The following DYM variants were observed in gnomAD, a reference collection of about 807,000 sequenced individuals.
DYM encodes dyggve-Melchior-Clausen syndrome protein.
Under a neutral mutation model 93.1 loss-of-function variants are expected in DYM, and 78 were observed. The observed-to-expected ratio is 0.84, with a 90% confidence interval of 0.70 to 1.01. The LOEUF is 1.01. Among genes scored for constraint, DYM ranks in the 50% least tolerant of loss-of-function variants. DYM has a pLI of 0.00. For synonymous variants in DYM, 321 were observed against 319.7 expected (o/e 1.00, Z -0.04); for missense variants, 789 against 845.0 (o/e 0.93, Z 0.82).
At chr18:49,386,934 GTATT>G (rs1007197582) in intron 3 of DYM, among the ~76,000 whole-genome samples, 2 of 149,094 alleles carry the variant, frequency 1.3e-5, no homozygotes, top group Non-Finnish European at 3.0e-5. Context: ...AAATTTCTTC[GTATT>G]TATTTACTTT....
chr18:49,268,927 A>G (rs918148808), intron 11 of DYM, among the ~76,000 whole-genome samples: 1 of 152,152 alleles, frequency 6.6e-6, no homozygotes, highest in African/African-American at 2.4e-5. Flanking sequence ...CAAAAGGTCA[A>G]GCTACAAAAG....
chr18:49,216,550 A>G (rs1015461575), intron 13 of DYM, among the ~76,000 whole-genome samples: 3 of 152,178 alleles, frequency 2.0e-5, no homozygotes, highest in African/African-American at 7.2e-5. Context: ...CTCCTTTCAG[A>G]CAAAACTTCC....
At chr18:49,050,252 A>T (rs2072238135) in intron 17 of DYM, among the ~76,000 whole-genome samples, 1 of 150,368 alleles carries the variant, frequency 6.7e-6, no homozygotes, top group East Asian at 2.0e-4. Context: ...ATGCCCGGCT[A>T]GTTTTTTTTT....
At chr18:49,324,127 A>T (rs2062710967) in intron 8 of DYM, among the ~76,000 whole-genome samples, 1 of 107,446 alleles carries the variant, frequency 9.3e-6, no homozygotes, top group Non-Finnish European at 1.8e-5. Flanking sequence ...AGAGCCAGAT[A>T]GGCTCTGTCT....
intron 14 of DYM, among the ~76,000 whole-genome samples, chr18:49,186,920 C>CG (rs1465847800): frequency 8.5e-6 from 1 of 117,810 alleles, no homozygotes; most frequent in African/African-American, 3.5e-5. Flanking sequence ...ACACAATCTT[C>CG]TTTTTTTTTT....
At chr18:49,150,529 C>T (rs543636827) in intron 15 of DYM, among the ~76,000 whole-genome samples, 1 of 152,308 alleles carries the variant, frequency 6.6e-6, no homozygotes, top group African/African-American at 2.4e-5. Context: ...AGGGGCCTCA[C>T]CAGAACCCAA....
chr18:49,333,585 A>G (rs1429274500), intron 7 of DYM, 143 bp downstream of exon 7: 14 of 868,270 alleles, frequency 1.6e-5, no homozygotes, highest in South Asian at 1.2e-4. Flanking sequence ...GCGGTTCCCT[A>G]TGCACTGGGT....
intron 10 of DYM, among the ~76,000 whole-genome samples, chr18:49,274,944 C>A (rs1367089280): frequency 2.0e-5 from 3 of 152,032 alleles, no homozygotes; most frequent in African/African-American, 7.2e-5. Flanking sequence ...TTTTCACTTT[C>A]TTGATGGTCC....
intron 15 of DYM, among the ~76,000 whole-genome samples, chr18:49,154,357 T>A (rs1162352165): frequency 1.3e-5 from 2 of 152,160 alleles, no homozygotes; most frequent in African/African-American, 4.8e-5. Context: ...TGTAAGATAT[T>A]AGCAAAAGGG....
intron 9 of DYM, among the ~76,000 whole-genome samples, chr18:49,282,550 T>C (rs1453251694): frequency 1.3e-5 from 2 of 152,166 alleles, no homozygotes; most frequent in Non-Finnish European, 2.9e-5. Flanking sequence ...GAGGTGGAGG[T>C]TGCAGTGAGC....
At chr18:49,288,137 A>G (rs1243266015) in intron 8 of DYM, among the ~76,000 whole-genome samples, 1 of 152,166 alleles carries the variant, frequency 6.6e-6, no homozygotes, top group Non-Finnish European at 1.5e-5. Flanking sequence ...GGCTTCTATT[A>G]TATTTCTATT....
chr18:49,323,432 T>C (rs1305308829), intron 8 of DYM, among the ~76,000 whole-genome samples: 1 of 152,180 alleles, frequency 6.6e-6, no homozygotes, highest in Non-Finnish European at 1.5e-5. Flanking sequence ...TGAATTTTTG[T>C]GTCACCCTCA....
At chr18:49,383,734 C>T (rs907820118) in intron 3 of DYM, among the ~76,000 whole-genome samples, 3 of 152,200 alleles carry the variant, frequency 2.0e-5, no homozygotes, top group African/African-American at 7.2e-5. Flanking sequence ...AAATAGACAG[C>T]TCCATGAGGT....
intron 15 of DYM, among the ~76,000 whole-genome samples, chr18:49,134,984 T>C (rs991235172): frequency 1.1e-4 from 16 of 151,978 alleles, no homozygotes; most frequent in African/African-American, 3.9e-4. Context: ...GGCAGACACC[T>C]GTAATCCCAG....
At chr18:49,288,048 C>T (rs1290466309) in intron 8 of DYM, among the ~76,000 whole-genome samples, 5 of 152,030 alleles carry the variant, frequency 3.3e-5, no homozygotes, top group Non-Finnish European at 2.9e-5. Flanking sequence ...ATTTTAGATA[C>T]ACTAGTATTA....
chr18:49,080,114 GACCCCCCC>G, intron 17 of DYM, among the ~76,000 whole-genome samples: 8 of 37,322 alleles, frequency 2.1e-4, no homozygotes, highest in Non-Finnish European at 4.0e-4. Flanking sequence ...GCGGGGGGCT[GACCCCCCC>G]ACCTCCCTCC....
chr18:49,192,042 T>G (rs2091018962), intron 14 of DYM, among the ~76,000 whole-genome samples: 2 of 150,972 alleles, frequency 1.3e-5, no homozygotes, highest in South Asian at 4.2e-4. Context: ...GCTCAAGCGA[T>G]CCTCCTGCCT....
chr18:49,150,335 A>G (rs2085676139), intron 15 of DYM, among the ~76,000 whole-genome samples: 1 of 152,154 alleles, frequency 6.6e-6, no homozygotes, highest in Admixed American at 6.5e-5. Context: ...CAGTGTAATG[A>G]TATTTGGAGA....
At chr18:49,392,930 G>A (rs1403351922) in intron 2 of DYM, among the ~76,000 whole-genome samples, 3 of 149,812 alleles carry the variant, frequency 2.0e-5, no homozygotes, top group Non-Finnish European at 3.0e-5. Flanking sequence ...AGGAGGCAGA[G>A]GTTACAGTGA....
Sources: gnomAD v4.1 joint callset for allele counts (sites outside exome capture counted in the v4.1 genomes callset) on GRCh38, gnomAD v4.1.1 for gene constraint, MANE v1.5 for transcripts, NCBI Gene and HGNC (gene_info 2026-07-23, HGNC 2026-07-21) for gene names.